The following CDH20 variants were observed in gnomAD, a reference collection of about 807,000 sequenced individuals.
CDH20 encodes the protein cadherin 20, also known as cadherin-20.
CDH20 carries 29 observed loss-of-function variants against 74.2 expected under a neutral mutation model. The ratio of observed to expected loss-of-function variants is 0.39; its 90% confidence interval spans 0.29 to 0.53. The LOEUF is 0.53. Among genes scored for constraint, CDH20 ranks in the 20% least tolerant of loss-of-function variants. The pLI is 0.69. For missense variants in CDH20, 988 were observed against 1,048.3 expected (o/e 0.94, Z 0.79); for synonymous variants, 469 against 405.4 (o/e 1.16, Z -1.88).
intron 1 of CDH20, among the ~76,000 whole-genome samples, chr18:61,463,908 A>C (rs921079997): frequency 2.0e-5 from 3 of 152,150 alleles, no homozygotes; most frequent in Non-Finnish European, 4.4e-5. Flanking sequence ...GCATCTTTAG[A>C]AGGGCCCAGA....
intron 10 of CDH20, among the ~76,000 whole-genome samples, chr18:61,547,290 T>C (rs1265072591): frequency 2.0e-5 from 3 of 152,110 alleles, no homozygotes; most frequent in Admixed American, 2.0e-4. Flanking sequence ...ATCAGACCAC[T>C]GTACTCCAGA....
At chr18:61,386,083 T>C (rs965268808) in intron 1 of CDH20, among the ~76,000 whole-genome samples, 5 of 152,218 alleles carry the variant, frequency 3.3e-5, no homozygotes, top group African/African-American at 1.2e-4. Flanking sequence ...AAATATTTTT[T>C]GAGGATATAC....
intron 1 of CDH20, among the ~76,000 whole-genome samples, chr18:61,396,597 C>A (rs1366291391): frequency 6.6e-6 from 1 of 152,190 alleles, no homozygotes; most frequent in African/African-American, 2.4e-5. Context: ...TGGCTTTCAT[C>A]TTAGAGTTTG....
chr18:61,395,415 C>A (rs542880388), intron 1 of CDH20, among the ~76,000 whole-genome samples: 1 of 152,134 alleles, frequency 6.6e-6, no homozygotes, highest in Non-Finnish European at 1.5e-5. Flanking sequence ...ACTGAGTCAT[C>A]TTCATCTGCA....
chr18:61,447,820 A>G (rs983741072), intron 1 of CDH20, among the ~76,000 whole-genome samples: 1 of 152,106 alleles, frequency 6.6e-6, no homozygotes, highest in African/African-American at 2.4e-5. Context: ...TCACATATAC[A>G]TGAGGTTACT....
At chr18:61,344,947 C>A (rs1910067355) in intron 1 of CDH20, among the ~76,000 whole-genome samples, 1 of 152,062 alleles carries the variant, frequency 6.6e-6, no homozygotes, top group African/African-American at 2.4e-5. Flanking sequence ...TTTTGGTGAA[C>A]ATTTCATAAA....
In CDH20 at chr18:61,554,627, TG is replaced by T; in HGVS notation, c.2343del (p.Arg783AlafsTer76). On this transcript the variant is annotated frameshift_variant, in exon 12 of 12. Transcript: ENST00000262717. LOFTEE classifies it high-confidence loss of function. ...SEQSFDFLTD[W>X]GPRFRKLAEL... ...ACAGAGCTTCGACTTCCTGACGGAC[TG>T]GGGGCCCCGCTTCCGGAAGCTGGCC... The T allele has an allele frequency of 1.2e-6, 2 of 1,604,504 alleles. No homozygotes were observed. Among genetic ancestry groups the T allele is most frequent in the Non-Finnish European group, 8.5e-7 (1 of 1,176,020 alleles).
At chr18:61,448,781 G>A (rs1291897696) in intron 1 of CDH20, among the ~76,000 whole-genome samples, 2 of 152,244 alleles carry the variant, frequency 1.3e-5, no homozygotes, top group East Asian at 1.9e-4. Context: ...TCTCTCTGGA[G>A]GCATTTAAGA....
At chr18:61,528,304 T>C (rs1912511777) in intron 7 of CDH20, 84 bp downstream of exon 7, 2 of 1,421,088 alleles carry the variant, frequency 1.4e-6, no homozygotes, top group Admixed American at 2.0e-5. Flanking sequence ...TTTCCCTTTG[T>C]TTCTTTCTTC....
intron 2 of CDH20, among the ~76,000 whole-genome samples, chr18:61,491,115 G>C (rs924842608): frequency 1.3e-5 from 2 of 152,186 alleles, no homozygotes; most frequent in Non-Finnish European, 2.9e-5. Flanking sequence ...ATGACAGAAT[G>C]GGTGAGAGGG....
At chr18:61,381,102 C>A (rs1225590662) in intron 1 of CDH20, among the ~76,000 whole-genome samples, 1 of 152,128 alleles carries the variant, frequency 6.6e-6, no homozygotes, top group Non-Finnish European at 1.5e-5. Flanking sequence ...TGCTAAAGCA[C>A]TTTTGTGCTT....
intron 5 of CDH20, among the ~76,000 whole-genome samples, chr18:61,505,004 T>C (rs1225369165): frequency 1.3e-5 from 2 of 152,140 alleles, no homozygotes; most frequent in African/African-American, 4.8e-5. Flanking sequence ...AAATGCCACA[T>C]GGATGGACTT....
At chr18:61,453,055 C>T (rs1200503721) in intron 1 of CDH20, among the ~76,000 whole-genome samples, 1 of 152,102 alleles carries the variant, frequency 6.6e-6, no homozygotes. Context: ...TAACTATAGT[C>T]CAACATCCCA....
At chr18:61,449,895 A>G (rs1250737820) in intron 1 of CDH20, among the ~76,000 whole-genome samples, 1 of 152,074 alleles carries the variant, frequency 6.6e-6, no homozygotes, top group Non-Finnish European at 1.5e-5. Flanking sequence ...TGGATATGAC[A>G]TGGGATAAAT....
chr18:61,500,430 T>C lies in CDH20; in HGVS notation c.589T>C (p.Tyr197His), dbSNP rs1911334905. 1.2e-6 allele frequency: 2 copies of C among 1,613,218 alleles called. No individual in the cohort carries two copies. Among genetic ancestry groups the C allele is most frequent in the African/African-American group, 2.7e-5 (2 of 74,934 alleles). ...AGCCACAGATGCAGATGACCCGACC[T>C]ACGGCAACAGTGCCAGGGTGGTGTA... ...VTATDADDPT[Y>H]GNSARVVYSI... Residue 197 changes from tyrosine (Y) to histidine (H), a missense_variant, in exon 4 of 12, where the codon TAC (tyrosine) becomes CAC (histidine). This residue lies in a region of CDH20 where 613 missense variants were observed against 755.2 expected (regional missense o/e 0.81). Coordinates refer to ENST00000262717, the MANE Select transcript of CDH20 (RefSeq NM_031891.4).
At chr18:61,345,262 G>A (rs1910078911) in intron 1 of CDH20, among the ~76,000 whole-genome samples, 1 of 152,154 alleles carries the variant, frequency 6.6e-6, no homozygotes, top group African/African-American at 2.4e-5. Flanking sequence ...TACCATTCTT[G>A]CAAAGTATCA....
chr18:61,357,250 A>G (rs117231218), intron 1 of CDH20, among the ~76,000 whole-genome samples: 86 of 152,336 alleles, frequency 5.6e-4, no homozygotes, highest in Non-Finnish European at 7.5e-4. Flanking sequence ...AATCTTTACC[A>G]TGGCAAATAT....
chr18:61,402,566 T>C (rs1396287930), intron 1 of CDH20, among the ~76,000 whole-genome samples: 4 of 152,202 alleles, frequency 2.6e-5, no homozygotes, highest in Non-Finnish European at 5.9e-5. Context: ...TTAAGCACCA[T>C]ATGAATAACC....
At chr18:61,411,192 T>C (rs574412032) in intron 1 of CDH20, among the ~76,000 whole-genome samples, 22 of 61,736 alleles carry the variant, frequency 3.6e-4, no homozygotes, top group African/African-American at 1.6e-3. Flanking sequence ...AGCAAGACTC[T>C]GTCTGAAAAA....
Sources: gnomAD v4.1 joint callset for allele counts (sites outside exome capture counted in the v4.1 genomes callset) on GRCh38, gnomAD v4.1.1 for gene constraint, gnomAD v4.1.1 regional missense constraint, MANE v1.5 for transcripts, NCBI Gene and HGNC (gene_info 2026-07-23, HGNC 2026-07-21) for gene names.